The following CIAPIN1 variants were observed in gnomAD, a reference collection of about 807,000 sequenced individuals.
CIAPIN1 encodes the protein cytokine induced apoptosis inhibitor 1, also known as anamorsin.
In CIAPIN1, 18 loss-of-function variants were observed where a neutral mutation model predicts 34.3. The ratio of observed to expected loss-of-function variants is 0.52; its 90% CI spans 0.36 to 0.78. The LOEUF (loss-of-function observed/expected upper bound fraction) is 0.78, where lower values mean the gene tolerates loss of function less well. CIAPIN1 is among the 30% of genes least tolerant of loss of function. The probability of loss-of-function intolerance (pLI) is 0.00; values close to 1 mark genes in which losing one functional copy is unlikely to be tolerated. For synonymous variants in CIAPIN1, 131 were observed against 140.4 expected (o/e 0.93, Z 0.47); for missense variants, 310 against 372.5 (o/e 0.83, Z 1.38).
chr16:57,433,356 C>G (rs1325450897), intron 5 of CIAPIN1, among the ~76,000 whole-genome samples: 1 of 152,202 alleles, frequency 6.6e-6, no homozygotes, highest in African/African-American at 2.4e-5. Context: ...CATTCTGGAA[C>G]CATGAATCGA....
At position 57,429,411 on chromosome 16, in the gene CIAPIN1, A is replaced by C. The variant is rs561441464; in HGVS notation, c.829-131T>G. On this transcript the variant is annotated intron_variant, in intron 8 of 8. Transcript: ENST00000394391. ...ATGGCTATGTTTGCAGGTCCAATTG[A>C]GACCAAAATACTAAGAGTTTTCAAG... is the stretch of plus-strand genomic sequence containing the variant. 9.6e-6 allele frequency: 6 copies of C among 626,942 alleles called. No individual in the cohort carries two copies. In the East Asian group the frequency reaches 1.7e-4, roughly 17 times the overall value. 38.8% of individuals were successfully genotyped at this position (626,942 alleles called of 1,614,324 possible). A position where few individuals can be genotyped will look rare whatever the true frequency, so the allele number is the denominator to read the frequency against.
At chr16:57,429,593 G>A (rs189017787) in intron 8 of CIAPIN1, among the ~76,000 whole-genome samples, 52 of 144,140 alleles carry the variant, frequency 3.6e-4, no homozygotes, top group African/African-American at 9.0e-4. Context: ...CTGGGTTCCC[G>A]CCATTCTCCT....
chr16:57,438,284 C>T (rs575675327), intron 3 of CIAPIN1, among the ~76,000 whole-genome samples: 60 of 152,214 alleles, frequency 3.9e-4, no homozygotes, highest in Non-Finnish European at 7.6e-4. Flanking sequence ...GCTATACCAC[C>T]GATCAAAAAA....
chr16:57,432,615 T>G (rs376463928), intron 5 of CIAPIN1, 55 bp from the exon 6 acceptor site: 29 of 1,475,254 alleles, frequency 2.0e-5, no homozygotes, highest in African/African-American at 4.2e-5. Context: ...AAACTATTAA[T>G]TACAAACATA....
rs751344641 is a variant in CIAPIN1 at position 57,429,299 on chromosome 16, G to A, written c.829-19C>T. 1.5e-5 allele frequency: 23 copies of A among 1,539,590 alleles called. No homozygotes were observed. Among genetic ancestry groups the A allele is most frequent in the Non-Finnish European group, 2.1e-5 (23 of 1,112,526 alleles). On this transcript the variant is annotated intron_variant, in intron 8 of 8. Transcript: ENST00000394391. ...GGTAGCACTGGAGAGAGAGAATGGG[G>A]AAGCCAAGGGTCAGCTTATCCCAGG...
intron 1 of CIAPIN1, among the ~76,000 whole-genome samples, chr16:57,445,899 G>T (rs141690079): frequency 0.011 from 1,322 of 122,780 alleles, 18 homozygotes; most frequent in African/African-American, 0.039. Flanking sequence ...AGGCTGGAGT[G>T]CAATGGCACA....
rs537906880 is a variant in CIAPIN1 at position 57,434,138 on chromosome 16, C to T, written c.462G>A (p.Leu154=). 1 of 1,614,150 alleles carries T rather than the reference C, an allele frequency of 6.2e-7. No homozygotes were observed. Among genetic ancestry groups the T allele is most frequent in the East Asian group, 2.2e-5 (1 of 44,880 alleles). The change falls in exon 5 of 9, where the codon CTG becomes CTA. Residue 154 remains leucine (L), a synonymous_variant. Coordinates refer to ENST00000394391, the MANE Select transcript of CIAPIN1 (RefSeq NM_020313.4). ...TTTTGCCTGTGATCTGAACAAACAG[C>T]AGGTTGTCACTTTCATGACCAAGGT... ...REHLGHESDN[L]LFVQITGKKP... is the part of the protein sequence containing the mutation.
intron 5 of CIAPIN1, among the ~76,000 whole-genome samples, chr16:57,432,943 C>G (rs1331820783): frequency 6.6e-6 from 1 of 152,250 alleles, no homozygotes; most frequent in Non-Finnish European, 1.5e-5. Context: ...CTTTTAACCT[C>G]CATTCCATAT....
chr16:57,443,901 A>G (rs1189426454), intron 1 of CIAPIN1, among the ~76,000 whole-genome samples: 1 of 152,138 alleles, frequency 6.6e-6, no homozygotes. Flanking sequence ...AGATGGGAGT[A>G]TGGATTGCTG....
intron 4 of CIAPIN1, among the ~76,000 whole-genome samples, chr16:57,434,438 A>C (rs1374793021): frequency 2.0e-5 from 3 of 152,178 alleles, no homozygotes; most frequent in African/African-American, 7.2e-5. Flanking sequence ...GAAAATGTAA[A>C]AGTACTTAAA....
At chr16:57,433,753 G>A (rs1598023377) in intron 5 of CIAPIN1, 1 of 359,906 alleles carries the variant, frequency 2.8e-6, no homozygotes, top group African/African-American at 2.1e-5. Flanking sequence ...TCTGGGACCT[G>A]GAAGGACCTC....
chr16:57,429,482 A>G (rs1206170745), intron 8 of CIAPIN1, among the ~76,000 whole-genome samples: 1 of 151,810 alleles, frequency 6.6e-6, no homozygotes, highest in African/African-American at 2.4e-5. Context: ...GTTCCCTAGG[A>G]GGCCATAGTT....
intron 4 of CIAPIN1, among the ~76,000 whole-genome samples, chr16:57,436,114 C>G: frequency 6.6e-6 from 1 of 152,214 alleles, no homozygotes; most frequent in Non-Finnish European, 1.5e-5. Context: ...GCTGCTCATG[C>G]CCCTCAGCTG....
chr16:57,439,148 G>A (rs1473017675), intron 3 of CIAPIN1, 34 bp downstream of exon 3: 18 of 1,610,642 alleles, frequency 1.1e-5, no homozygotes, highest in Non-Finnish European at 1.4e-5. Flanking sequence ...ACTCAACCCT[G>A]TCAAACATGT....
intron 2 of CIAPIN1, among the ~76,000 whole-genome samples, chr16:57,440,164 C>G (rs540428272): frequency 6.6e-6 from 1 of 152,130 alleles, no homozygotes; most frequent in African/African-American, 2.4e-5. Flanking sequence ...TGAAATAAGC[C>G]CTGGTCTCCC....
intron 1 of CIAPIN1, among the ~76,000 whole-genome samples, chr16:57,444,650 G>A (rs1437294349): frequency 6.6e-6 from 1 of 152,204 alleles, no homozygotes; most frequent in African/African-American, 2.4e-5. Context: ...AGGAGCTTAT[G>A]AACTACATTC....
At chr16:57,446,607 T>C (rs2030081900) in intron 1 of CIAPIN1, among the ~76,000 whole-genome samples, 1 of 152,214 alleles carries the variant, frequency 6.6e-6, no homozygotes, top group South Asian at 2.1e-4. Context: ...TGTTAGTGGC[T>C]AGACCGTGAC....
chr16:57,436,734 T>A lies in CIAPIN1; in HGVS notation c.311-2A>T. 6.2e-7 allele frequency: 1 copy of A among 1,612,846 alleles called. No homozygotes were observed. Among genetic ancestry groups the A allele is most frequent in the Non-Finnish European group, 8.5e-7 (1 of 1,179,064 alleles). The stretch of plus-strand genomic sequence containing the variant: ...CTGTCTTCACTTTGCTATTGTTATC[T>A]GCCAAAAGGAAAATCCCAATTAATA... On this transcript the variant is annotated splice_acceptor_variant, in intron 3 of 8. Transcript: ENST00000394391. LOFTEE classifies it high-confidence loss of function.
chr16:57,433,804 GC>G, intron 5 of CIAPIN1: 1 of 405,656 alleles, frequency 2.5e-6, no homozygotes, highest in South Asian at 2.1e-5. Context: ...AAATTAGGAG[GC>G]CTCGGTATCT....
Sources: gnomAD v4.1 joint callset for allele counts (sites outside exome capture counted in the v4.1 genomes callset) on GRCh38, gnomAD v4.1.1 for gene constraint, MANE v1.5 for transcripts, NCBI Gene and HGNC (gene_info 2026-07-23, HGNC 2026-07-21) for gene names.